Variants in ANKRD30A observed in about 807,000 individuals in gnomAD.
ANKRD30A encodes the protein ankyrin repeat domain-containing protein 30A.
In ANKRD30A, 170 loss-of-function variants were observed where a neutral mutation model predicts 166.3. That is an observed-to-expected ratio of 1.02 (90% confidence interval 0.90 to 1.16). The LOEUF (loss-of-function observed/expected upper bound fraction) is 1.16, where lower values mean the gene tolerates loss of function less well. Among genes scored for constraint, ANKRD30A ranks in the 50% most tolerant of loss-of-function variants. ANKRD30A has a pLI of 0.00. For synonymous variants in ANKRD30A, 564 were observed against 508.9 expected, an observed-to-expected ratio of 1.11 and a Z score of -1.46; for missense variants, 1,630 against 1,518.0, an observed-to-expected ratio of 1.07 and a Z score of -1.23.
In ANKRD30A at chr10:37,162,841, G is replaced by C; in HGVS notation, c.1995G>C (p.Leu665Phe). The C allele has an allele frequency of 6.2e-7, 1 of 1,613,222 alleles. No individual in the cohort carries two copies. Among genetic ancestry groups the C allele is most frequent in the Non-Finnish European group, 8.5e-7 (1 of 1,179,576 alleles). ...KALELKNEQT[L>F]RADEILPSES... ...TGGAATTGAAAAATGAACAAACATT[G>C]AGAGCAGGTAAATTTTTCAATGTAA... Residue 665 changes from leucine (L) to phenylalanine (F), a missense_variant, in exon 17 of 36, where the codon TTG (leucine) becomes TTC (phenylalanine). Physicochemically the swap from Leu to Phe is conservative, Grantham distance 22. This residue lies in a region of ANKRD30A where 904 missense variants were observed against 818.5 expected (regional missense o/e 1.10). Transcript: ENST00000361713.
intron 31 of ANKRD30A, among the ~76,000 whole-genome samples, chr10:37,214,131 T>G (rs897135327): frequency 6.6e-6 from 1 of 151,672 alleles, no homozygotes; most frequent in African/African-American, 2.4e-5. Context: ...GTTTTCTTGA[T>G]TAAGTGAACC....
At chr10:37,248,342 A>G in the ANKRD30A span, 2 of 340,958 alleles carry the variant, frequency 5.9e-6, no homozygotes, top group East Asian at 7.1e-5. Flanking sequence ...TTGAAAGAGA[A>G]CACTTGAAAA....
chr10:37,209,552 C>G (rs1019816223), intron 31 of ANKRD30A, among the ~76,000 whole-genome samples: 2 of 152,096 alleles, frequency 1.3e-5, no homozygotes, highest in Non-Finnish European at 2.9e-5. Flanking sequence ...GATGCATTCA[C>G]CTCTCACCAA....
At chr10:37,200,662 CTTT>C (rs1303823416) in intron 30 of ANKRD30A, among the ~76,000 whole-genome samples, 1 of 152,042 alleles carries the variant, frequency 6.6e-6, no homozygotes, top group African/African-American at 2.4e-5. Flanking sequence ...TATTCAAGCA[CTTT>C]TTTATCACCA....
chr10:37,162,849 G>A lies in ANKRD30A; in HGVS notation c.2002+1G>A, dbSNP rs1347991816. On this transcript the variant is annotated splice_donor_variant, in intron 17 of 35. Coordinates refer to ENST00000361713, the MANE Select transcript of ANKRD30A (RefSeq NM_052997.3). LOFTEE classifies it high-confidence loss of function. Reference sequence around the variant, plus strand: ...AAAAATGAACAAACATTGAGAGCAGGTAAATTTTTCAATGTAACTATGGAA... The same window carrying A: ...AAAAATGAACAAACATTGAGAGCAGATAAATTTTTCAATGTAACTATGGAA... The A allele has an allele frequency of 1.9e-6, 3 of 1,612,848 alleles. No homozygotes were observed. In the East Asian group the frequency reaches 6.7e-5, roughly 36 times the overall value.
chr10:37,251,457 AG>A, the ANKRD30A span, among the ~76,000 whole-genome samples: 1 of 152,170 alleles, frequency 6.6e-6, no homozygotes, highest in Admixed American at 6.5e-5. Context: ...GGTCACCTTC[AG>A]GCTTATTTCC....
At chr10:37,201,428 C>A in intron 31 of ANKRD30A, 103 bp downstream of exon 31, 3 of 841,542 alleles carry the variant, frequency 3.6e-6, no homozygotes, top group Non-Finnish European at 5.1e-6. Context: ...CTCCTAAATG[C>A]AAACCATGGA....
At chr10:37,200,928 A>C (rs1047237315) in intron 30 of ANKRD30A, among the ~76,000 whole-genome samples, 1 of 152,058 alleles carries the variant, frequency 6.6e-6, no homozygotes, top group African/African-American at 2.4e-5. Flanking sequence ...GGACGACAAC[A>C]TGTTAGATAT....
At chr10:37,130,521 C>G in intron 3 of ANKRD30A, 143 bp downstream of exon 3, 1 of 578,196 alleles carries the variant, frequency 1.7e-6, no homozygotes, top group Non-Finnish European at 2.6e-6. Flanking sequence ...TAAGATTTTA[C>G]TTTAAATATT....
At chr10:37,138,010 G>C (rs1836838097) in intron 6 of ANKRD30A, among the ~76,000 whole-genome samples, 1 of 152,108 alleles carries the variant, frequency 6.6e-6, no homozygotes, top group African/African-American at 2.4e-5. Flanking sequence ...CACACGCCCG[G>C]GTACTCCTCT....
chr10:37,214,759 A>G (rs1383687460), intron 31 of ANKRD30A, among the ~76,000 whole-genome samples: 4 of 151,398 alleles, frequency 2.6e-5, no homozygotes, highest in African/African-American at 2.4e-5. Context: ...CATAGATGGT[A>G]TAAGAAATTA....
intron 31 of ANKRD30A, among the ~76,000 whole-genome samples, chr10:37,210,822 T>A (rs1842265651): frequency 6.6e-6 from 1 of 152,180 alleles, no homozygotes; most frequent in South Asian, 2.1e-4. Flanking sequence ...TTGTTTGTTT[T>A]TTCCTTGTAA....
At chr10:37,149,725 A>AT (rs201445322) in intron 10 of ANKRD30A, 46 bp downstream of exon 10, 30,062 of 1,612,190 alleles carry the variant, frequency 0.019, 533 homozygotes, top group African/African-American at 0.087. Flanking sequence ...TTAATTATGT[A>AT]TTTGTGAAGT....
At chr10:37,158,093 C>T (rs988721788) in intron 13 of ANKRD30A, among the ~76,000 whole-genome samples, 1 of 152,070 alleles carries the variant, frequency 6.6e-6, no homozygotes, top group Non-Finnish European at 1.5e-5. Flanking sequence ...CCTTATACGG[C>T]CGCTTTCTCT....
chr10:37,196,181 A>T (rs559388467), intron 27 of ANKRD30A, among the ~76,000 whole-genome samples: 1 of 148,696 alleles, frequency 6.7e-6, no homozygotes, highest in East Asian at 2.0e-4. Context: ...AATTCTGGAG[A>T]CTCTGAGCAA....
At chr10:37,192,629 T>A (rs1840694999) in intron 25 of ANKRD30A, among the ~76,000 whole-genome samples, 1 of 152,040 alleles carries the variant, frequency 6.6e-6, no homozygotes, top group Admixed American at 6.6e-5. Flanking sequence ...ATGTATATAT[T>A]GACATCAGTG....
chr10:37,260,174 G>A, the ANKRD30A span, among the ~76,000 whole-genome samples: 3 of 151,616 alleles, frequency 2.0e-5, no homozygotes, highest in Non-Finnish European at 4.4e-5. Flanking sequence ...AGAAAAAATA[G>A]TGTTGCGCTT....
chr10:37,153,153 G>T (rs1215270569), intron 12 of ANKRD30A, among the ~76,000 whole-genome samples: 2 of 152,140 alleles, frequency 1.3e-5, no homozygotes, highest in African/African-American at 4.8e-5. Context: ...ACAGTTCTGT[G>T]ATCATGAATA....
the ANKRD30A span, among the ~76,000 whole-genome samples, chr10:37,244,824 C>G: frequency 2.0e-5 from 3 of 152,190 alleles, no homozygotes; most frequent in Non-Finnish European, 2.9e-5. Context: ...CAGGGGTGCT[C>G]TCACTTGATT....
Sources: allele counts gnomAD v4.1 joint callset (sites outside exome capture counted in the v4.1 genomes callset), GRCh38; gene constraint gnomAD v4.1.1; regional missense constraint gnomAD v4.1.1; transcripts MANE v1.5; gene names NCBI Gene and HGNC (gene_info 2026-07-23, HGNC 2026-07-21).